Variants in DMD observed in about 807,000 individuals in gnomAD.
The protein encoded by DMD is dystrophin.
Under a neutral mutation model 330.1 loss-of-function variants are expected in DMD, and 63 were observed. That is an observed-to-expected ratio of 0.19 (90% confidence interval 0.16 to 0.24). DMD has a LOEUF of 0.24. Among genes scored for constraint, DMD ranks in the 10% least tolerant of loss-of-function variants. The pLI is 1.00. For missense variants in DMD, 3,344 were observed against 2,684.1 expected, an observed-to-expected ratio of 1.25 and a Z score of -5.43; for synonymous variants, 1,223 against 959.8, an observed-to-expected ratio of 1.27 and a Z score of -5.07.
Position 33,070,639 on chromosome X carries a change from A to ATCTCTC in DMD, c.32-50445_32-50440dup, listed in dbSNP as rs1291687487. ...GAGGTATCTATATCTGTATCTATCC[A>ATCTCTC]TCTCTCTCTCTCTCTCTCTCTCTCT... On this transcript the variant is annotated intron_variant, in intron 1 of 78. Coordinates refer to ENST00000357033, the MANE Select transcript of DMD (RefSeq NM_004006.3). Among the ~76,000 whole-genome samples, 81 of 21,383 alleles carry ATCTCTC rather than the reference A, an allele frequency of 3.8e-3. 3 individuals carry two copies. The highest frequency in any genetic ancestry group is 0.045 in the Middle Eastern group (1 of 22). 18.6% of individuals were successfully genotyped at this position (21,383 alleles called of 115,157 possible).
intron 61 of DMD, among the ~76,000 whole-genome samples, chrX:31,346,027 G>A (rs891487234): frequency 1.8e-5 from 2 of 111,142 alleles, no homozygotes; most frequent in Admixed American, 9.7e-5. Context: ...ATTTGTGAGC[G>A]TGGATCTTTT....
chrX:32,326,518 T>C (rs143616776), intron 41 of DMD, among the ~76,000 whole-genome samples: 3,136 of 112,930 alleles, frequency 0.028, 112 homozygotes, highest in African/African-American at 0.094. Flanking sequence ...AATATAGAGA[T>C]ATAAGTTAGC....
chrX:33,238,065 G>A (rs1364986136), intron 1 of DMD, among the ~76,000 whole-genome samples: 1 of 112,332 alleles, frequency 8.9e-6, no homozygotes, highest in African/African-American at 3.2e-5. Flanking sequence ...ACTTTCAGCC[G>A]GAATACATTT....
intron 60 of DMD, among the ~76,000 whole-genome samples, chrX:31,408,208 A>G (rs939688417): frequency 3.6e-5 from 4 of 111,487 alleles, no homozygotes; most frequent in Non-Finnish European, 5.6e-5. Flanking sequence ...CACACTCATC[A>G]GGTGCAGAGC....
Position 32,217,044 on chromosome X carries a change from C to T in DMD, c.6310G>A (p.Glu2104Lys). 5 of 1,209,776 alleles carry T rather than the reference C, an allele frequency of 4.1e-6. No individual in the cohort carries two copies. The highest frequency in any genetic ancestry group is 5.6e-6 in the Non-Finnish European group (5 of 894,245). ...TCATAATGAAAACGCCGCCATTTCT[C>T]AACAGATCTGTCAAATCGCCTGCAG... ...DRQGRFDRSV[E>K]KWRRFHYDIK... is the part of the protein sequence containing the mutation. The change falls in exon 44 of 79, where the codon GAG becomes AAG. Residue 2104 changes from glutamate to lysine, a missense_variant. By Grantham distance (56) the Glu-to-Lys change is moderately conservative. Transcript: ENST00000357033.
chrX:31,605,699 G>A (rs187920817), intron 55 of DMD, among the ~76,000 whole-genome samples: 1 of 111,320 alleles, frequency 9.0e-6, no homozygotes, highest in African/African-American at 3.3e-5. Context: ...AGCAATGAAT[G>A]TGGTAATACC....
intron 48 of DMD, among the ~76,000 whole-genome samples, chrX:31,867,668 G>A (rs1367667244): frequency 2.7e-5 from 3 of 111,178 alleles, no homozygotes; most frequent in African/African-American, 9.8e-5. Flanking sequence ...GCTGAACCTT[G>A]ACTAGGTTAT....
At chrX:32,282,058 T>C (rs2097422707) in intron 43 of DMD, among the ~76,000 whole-genome samples, 1 of 112,199 alleles carries the variant, frequency 8.9e-6, no homozygotes. Flanking sequence ...TGCCATCTTA[T>C]GGCTGTACAG....
rs2098269657 is a variant in DMD at position 32,438,443 on chromosome X, G to A, written c.3922-53C>T. The stretch of plus-strand genomic sequence containing the variant: ...TTCTCCTTTTTTTTCTAAATACATT[G>A]GATTATCAGCAAATGCTCAGTATCT... On this transcript the variant is annotated intron_variant, in intron 28 of 78. Coordinates refer to ENST00000357033, the MANE Select transcript of DMD (RefSeq NM_004006.3). The A allele has an allele frequency of 7.0e-6, 8 of 1,147,640 alleles. No homozygotes were observed. The Admixed American group carries it at 1.1e-4, about 16-fold the overall frequency. The allele number at this position is 1,147,640 out of a possible 1,213,427, so 94.6% of individuals were successfully genotyped here.
intron 12 of DMD, among the ~76,000 whole-genome samples, chrX:32,599,736 T>C (rs1471035589): frequency 8.9e-6 from 1 of 111,926 alleles, no homozygotes; most frequent in Non-Finnish European, 1.9e-5. Flanking sequence ...CACATACACA[T>C]ATATACACAC....
chrX:31,411,790 C>T (rs1159528353), intron 60 of DMD, among the ~76,000 whole-genome samples: 1 of 109,704 alleles, frequency 9.1e-6, no homozygotes, highest in Non-Finnish European at 1.9e-5. Flanking sequence ...CCTGCCACCA[C>T]ACCCAGCTAA....
chrX:32,944,039 T>C (rs895323524), intron 2 of DMD, among the ~76,000 whole-genome samples: 1 of 111,288 alleles, frequency 9.0e-6, no homozygotes, highest in African/African-American at 3.3e-5. Context: ...TAAGTTTCCA[T>C]TGTCTATCAT....
intron 1 of DMD, among the ~76,000 whole-genome samples, chrX:33,186,545 C>T (rs1169565442): frequency 9.0e-6 from 1 of 110,584 alleles, no homozygotes; most frequent in Non-Finnish European, 1.9e-5. Context: ...TAATATTAGT[C>T]CAGGAACTTC....
intron 1 of DMD, among the ~76,000 whole-genome samples, chrX:33,116,692 C>T (rs1346415001): frequency 9.0e-6 from 1 of 111,287 alleles, no homozygotes; most frequent in East Asian, 2.8e-4. Flanking sequence ...GTGTTTCAAG[C>T]CGTTAGAGAA....
chrX:32,402,031 A>T lies in DMD; in HGVS notation c.4233+9721T>A, dbSNP rs2098088800. On this transcript the variant is annotated intron_variant, in intron 30 of 78. Transcript: ENST00000357033. Reference sequence around the variant, plus strand: ...CTAATTATTAAAGTGGAGAAAGCAGATCTGAGTTAAAATATCAGCTTCAGT... The same window carrying T: ...CTAATTATTAAAGTGGAGAAAGCAGTTCTGAGTTAAAATATCAGCTTCAGT... 2.7e-5 allele frequency among the ~76,000 whole-genome samples: 3 copies of T among 112,243 alleles called. No individual in the cohort carries two copies. In the Admixed American group the frequency reaches 2.9e-4, roughly 11 times the overall value.
chrX:33,120,999 T>G (rs185206079), intron 1 of DMD, among the ~76,000 whole-genome samples: 47 of 109,920 alleles, frequency 4.3e-4, no homozygotes, highest in Admixed American at 4.1e-3. Context: ...AAACAAAGCA[T>G]TCACATTATT....
intron 27 of DMD, among the ~76,000 whole-genome samples, chrX:32,445,579 A>G (rs2098300156): frequency 9.0e-6 from 1 of 110,991 alleles, no homozygotes; most frequent in Non-Finnish European, 1.9e-5. Context: ...AAAAGTGAAT[A>G]AAAAGTAATG....
intron 52 of DMD, among the ~76,000 whole-genome samples, chrX:31,683,838 T>A (rs914472130): frequency 8.9e-6 from 1 of 112,248 alleles, no homozygotes; most frequent in Admixed American, 9.4e-5. Flanking sequence ...AAATCATAAC[T>A]AACATTTATT....
chrX:32,162,683 G>A (rs967384167), intron 44 of DMD, among the ~76,000 whole-genome samples: 1 of 90,985 alleles, frequency 1.1e-5, no homozygotes, highest in Non-Finnish European at 2.0e-5. Context: ...CAATTCTCCT[G>A]CCTCAGCCTC....
Sources: allele counts gnomAD v4.1 joint callset (sites outside exome capture counted in the v4.1 genomes callset), GRCh38; gene constraint gnomAD v4.1.1; transcripts MANE v1.5; gene names NCBI Gene and HGNC (gene_info 2026-07-23, HGNC 2026-07-21).